Variants in REG1A observed in about 807,000 individuals in gnomAD.
The protein encoded by REG1A is lithostathine-1-alpha.
Under a neutral mutation model 20.7 loss-of-function variants are expected in REG1A, and 20 were observed. The observed-to-expected ratio is 0.97, with a 90% confidence interval of 0.68 to 1.41. The LOEUF (loss-of-function observed/expected upper bound fraction) is 1.41. Ranked by LOEUF, REG1A falls within the 40% of genes most tolerant of loss-of-function variation. The pLI is 0.00. For missense variants in REG1A, 193 were observed against 201.8 expected (o/e 0.96, Z 0.26); for synonymous variants, 90 against 71.6 (o/e 1.26, Z -1.30).
chr2:79,121,466 C>A, intron 2 of REG1A, 96 bp from the exon 3 acceptor site: 3 of 935,694 alleles, frequency 3.2e-6, no homozygotes, highest in South Asian at 1.3e-5. Context: ...AGACTGGATT[C>A]TTCTGTTTCT....
chr2:79,121,444 T>A (rs571952395), intron 2 of REG1A, 118 bp from the exon 3 acceptor site: 1 of 789,668 alleles, frequency 1.3e-6, no homozygotes, highest in Non-Finnish European at 2.2e-6. Context: ...TAGTGAGCAG[T>A]CATCCCATAA....
At chr2:79,123,053 G>A in intron 5 of REG1A, 95 bp from the exon 6 acceptor site, 1 of 1,440,418 alleles carries the variant, frequency 6.9e-7, no homozygotes, top group Non-Finnish European at 9.7e-7. Flanking sequence ...TCCTCATTAA[G>A]GAAATGGATG....
Position 79,120,833 on chromosome 2 carries a change from C to G in REG1A, c.-29C>G, listed in dbSNP as rs1672871778. 1.3e-6 allele frequency: 2 copies of G among 1,583,180 alleles called. No homozygotes were observed. The highest frequency in any genetic ancestry group is 1.7e-5 in the Admixed American group (1 of 58,124). ...TCCTATAGAGATTGTTGATTTGCCTCTTAAGCAAGAGATTCATTGCAGCTC... is the reference window on the plus strand; with the variant it reads ...TCCTATAGAGATTGTTGATTTGCCTGTTAAGCAAGAGATTCATTGCAGCTC... On this transcript the variant is annotated 5_prime_UTR_variant, in exon 2 of 6. Transcript: ENST00000233735.
chr2:79,121,558 T>C lies in REG1A; in HGVS notation c.65-4T>C. 1 of 1,613,074 alleles carries C rather than the reference T, an allele frequency of 6.2e-7. No homozygotes were observed. ...GCCTCCTTTAATTGTCTCTTCTTTTTCAGGCCAAGAGGCCCAGACAGAGTT... is the reference window on the plus strand; with the variant it reads ...GCCTCCTTTAATTGTCTCTTCTTTTCCAGGCCAAGAGGCCCAGACAGAGTT... On this transcript the variant is annotated splice_polypyrimidine_tract_variant and splice_region_variant and intron_variant, in intron 2 of 5. Coordinates refer to ENST00000233735, the MANE Select transcript of REG1A (RefSeq NM_002909.5).
chr2:79,121,681 G>A lies in REG1A; in HGVS notation c.183+1G>A, dbSNP rs933617907. On this transcript the variant is annotated splice_donor_variant, in intron 3 of 5. Coordinates refer to ENST00000233735, the MANE Select transcript of REG1A (RefSeq NM_002909.5). LOFTEE classifies it high-confidence loss of function. ...CCGTGAGACCTGGGTTGATGCAGAT[G>A]TGAGTGAGGAGAGCAGTGTGGGAAG... The A allele has an allele frequency of 6.2e-7, 1 of 1,613,080 alleles. No individual in the cohort carries two copies. The highest frequency in any genetic ancestry group is 1.3e-5 in the African/African-American group (1 of 74,912).
intron 4 of REG1A, among the ~76,000 whole-genome samples, chr2:79,122,488 G>T (rs1341136078): frequency 6.6e-6 from 1 of 152,114 alleles, no homozygotes; most frequent in Non-Finnish European, 1.5e-5. Flanking sequence ...GCTGGCATTT[G>T]GGAACCTGGT....
At chr2:79,122,988 C>G (rs1226066891) in intron 5 of REG1A, 36 bp downstream of exon 5, 4 of 1,570,338 alleles carry the variant, frequency 2.5e-6, no homozygotes, top group Non-Finnish European at 3.5e-6. Context: ...TGTTTCTGTT[C>G]TCTCCTGCTT....
intron 3 of REG1A, 35 bp downstream of exon 3, chr2:79,121,715 A>C (rs1672888774): frequency 1.3e-6 from 2 of 1,591,634 alleles, no homozygotes; most frequent in Middle Eastern, 1.7e-4. Context: ...AGGGAGACTC[A>C]TGAAGGGAGG....
At chr2:79,121,455 T>G in intron 2 of REG1A, 107 bp from the exon 3 acceptor site, 1 of 862,122 alleles carries the variant, frequency 1.2e-6, no homozygotes, top group Non-Finnish European at 2.0e-6. Flanking sequence ...CATCCCATAA[T>G]AGACTGGATT....
At chr2:79,122,249 C>A in intron 4 of REG1A, 124 bp downstream of exon 4, 1 of 995,450 alleles carries the variant, frequency 1.0e-6, no homozygotes, top group Non-Finnish European at 1.5e-6. Flanking sequence ...TACAGATCCT[C>A]TAATGTCCTG....
chr2:79,121,462 G>A, intron 2 of REG1A, 100 bp from the exon 3 acceptor site: 3 of 904,138 alleles, frequency 3.3e-6, no homozygotes, highest in South Asian at 2.7e-5. Context: ...TAATAGACTG[G>A]ATTCTTCTGT....
At chr2:79,121,381 T>A (rs576334655) in intron 2 of REG1A, among the ~76,000 whole-genome samples, 181 bp from the exon 3 acceptor site, 1 of 152,182 alleles carries the variant, frequency 6.6e-6, no homozygotes, top group Admixed American at 6.5e-5. Flanking sequence ...CATTCTGTTT[T>A]TTTTCCCCTG....
In REG1A at chr2:79,122,071, G is replaced by A; in HGVS notation, c.267G>A (p.Lys89=). ...GTGCCTTTGTGGCCTCACTGATTAA[G>A]GAGAGTGGCACTGATGACTTCAATG... ...AEGAFVASLI[K]ESGTDDFNVW... is the part of the protein sequence containing the mutation. Residue 89 remains lysine, a synonymous_variant, in exon 4 of 6, where the codon AAG becomes AAA. Transcript: ENST00000233735. 1 of 1,614,084 alleles carries A rather than the reference G, an allele frequency of 6.2e-7. No individual in the cohort carries two copies. The highest frequency in any genetic ancestry group is 8.5e-7 in the Non-Finnish European group (1 of 1,179,992).
rs144307810 is a variant in REG1A, at chr2:79,123,164, G to T, written c.450G>T (p.Lys150Asn). 1.2e-6 allele frequency: 2 copies of T among 1,612,330 alleles called. No individual in the cohort carries two copies. The highest frequency in any genetic ancestry group is 1.7e-6 in the Non-Finnish European group (2 of 1,178,998). Residue 150 changes from lysine (K) to asparagine (N), a missense_variant, in exon 6 of 6, where the codon AAG (lysine) becomes AAT (asparagine). Lys to Asn is a moderately conservative substitution (Grantham distance 94). Transcript: ENST00000233735. ...LTSSTGFQKW[K>N]DVPCEDKFSF... Reference sequence around the variant, plus strand: ...GACTTATAGGATTCCAGAAATGGAAGGATGTGCCTTGTGAAGACAAGTTCT... The same window carrying T: ...GACTTATAGGATTCCAGAAATGGAATGATGTGCCTTGTGAAGACAAGTTCT...
At position 79,120,914 on chromosome 2, in the gene REG1A, C is replaced by G; in HGVS notation, c.53C>G (p.Ser18Cys). ...FMLISCLMFL[S>C]QSQGQEAQTE... ...CTGATCTCCTGCCTGATGTTTCTGT[C>G]TCAGAGCCAAGGTAAGATCTCTTTT... The change falls in exon 2 of 6, where the codon TCT becomes TGT. Residue 18 changes from serine to cysteine, a missense_variant. Physicochemically the swap from Ser to Cys is moderately radical, Grantham distance 112. Coordinates refer to ENST00000233735, the MANE Select transcript of REG1A (RefSeq NM_002909.5). 2 of 1,612,816 alleles carry G rather than the reference C, an allele frequency of 1.2e-6. No homozygotes were observed. The highest frequency in any genetic ancestry group is 2.2e-5 in the South Asian group (2 of 90,976).
chr2:79,122,562 G>T (rs918189185), intron 4 of REG1A, among the ~76,000 whole-genome samples: 5 of 151,872 alleles, frequency 3.3e-5, no homozygotes, highest in African/African-American at 1.2e-4. Context: ...TGGATATGAG[G>T]GTCCTGGGCC....
chr2:79,122,303 G>A, intron 4 of REG1A, 178 bp downstream of exon 4: 1 of 611,436 alleles, frequency 1.6e-6, no homozygotes, highest in African/African-American at 1.9e-5. Flanking sequence ...TAAGTGGAAG[G>A]CTGAATTTCC....
At chr2:79,122,216 C>A in intron 4 of REG1A, 91 bp downstream of exon 4, 2 of 1,389,226 alleles carry the variant, frequency 1.4e-6, no homozygotes, top group South Asian at 1.4e-5. Context: ...CAGCTTTTAT[C>A]GCTTTCCAGA....
rs1672916509 is a variant in REG1A, at chr2:79,123,329, G to T, written c.*114G>T. The T allele has an allele frequency of 1.6e-6, 1 of 616,030 alleles. No individual in the cohort carries two copies. The highest frequency in any genetic ancestry group is 2.9e-6 in the Non-Finnish European group (1 of 350,218). The allele number at this position is 616,030 out of a possible 1,614,324, so 38.2% of individuals were successfully genotyped here. On this transcript the variant is annotated 3_prime_UTR_variant, in exon 6 of 6. Transcript: ENST00000233735. ...ACCTGGACACTCTCTTCTCTGCTGA[G>T]TTTGCCTTGTTAATCTTCAATAGTT...
Sources: gnomAD v4.1 joint callset for allele counts (sites outside exome capture counted in the v4.1 genomes callset) on GRCh38, gnomAD v4.1.1 for gene constraint, MANE v1.5 for transcripts, NCBI Gene and HGNC (gene_info 2026-07-23, HGNC 2026-07-21) for gene names.